PPARGC1A: variants seen among roughly 807,000 people sequenced by gnomAD.
PPARGC1A encodes the protein PPARG coactivator 1 alpha.
A neutral mutation model predicts 88.7 loss-of-function variants in PPARGC1A; 25 were observed. That is an observed-to-expected ratio of 0.28 (90% CI 0.21 to 0.39). The LOEUF (loss-of-function observed/expected upper bound fraction) is 0.39, where lower values mean the gene tolerates loss of function less well. Among genes scored for constraint, PPARGC1A ranks in the 10% least tolerant of loss-of-function variants. PPARGC1A has a pLI of 1.00. For synonymous variants in PPARGC1A, 363 were observed against 355.6 expected (o/e 1.02, Z -0.24); for missense variants, 880 against 968.7 (o/e 0.91, Z 1.22).
At chr4:23,868,927 A>G (rs35621841) in intron 2 of PPARGC1A, among the ~76,000 whole-genome samples, 27,357 of 152,204 alleles carry the variant, frequency 0.18, 2,972 homozygotes, top group Middle Eastern at 0.3. Context: ...ATAACTCCCA[A>G]CTGCACACCT....
the PPARGC1A span, among the ~76,000 whole-genome samples, chr4:24,325,574 G>A: frequency 6.6e-6 from 1 of 152,160 alleles, no homozygotes; most frequent in African/African-American, 2.4e-5. Flanking sequence ...GGACCCCACT[G>A]GAAATCGGAC....
At chr4:24,345,388 T>G in the PPARGC1A span, among the ~76,000 whole-genome samples, 1 of 152,208 alleles carries the variant, frequency 6.6e-6, no homozygotes, top group Non-Finnish European at 1.5e-5. Context: ...TACCCGTCCA[T>G]GACCATGGGA....
At chr4:23,805,338 A>G (rs1169748277) in intron 10 of PPARGC1A, among the ~76,000 whole-genome samples, 1 of 152,248 alleles carries the variant, frequency 6.6e-6, no homozygotes, top group Non-Finnish European at 1.5e-5. Flanking sequence ...TGTTTGCAGG[A>G]ATCTCACTCA....
the PPARGC1A span, among the ~76,000 whole-genome samples, chr4:24,116,375 A>G: frequency 6.6e-6 from 1 of 152,192 alleles, no homozygotes; most frequent in Non-Finnish European, 1.5e-5. Flanking sequence ...AGCTTAACAT[A>G]TACACGTGAA....
the PPARGC1A span, among the ~76,000 whole-genome samples, chr4:24,387,678 AG>A: frequency 1.3e-4 from 19 of 151,128 alleles, no homozygotes; most frequent in African/African-American, 4.6e-4. Context: ...TGGAGATTGT[AG>A]TGAGCTGAGA....
chr4:24,412,721 C>T, the PPARGC1A span, among the ~76,000 whole-genome samples: 1 of 152,186 alleles, frequency 6.6e-6, no homozygotes, highest in Admixed American at 6.5e-5. Flanking sequence ...ACCTCATGAT[C>T]CACCAGCCTT....
chr4:23,930,455 G>T, the PPARGC1A span, among the ~76,000 whole-genome samples: 1 of 152,074 alleles, frequency 6.6e-6, no homozygotes, highest in African/African-American at 2.4e-5. Flanking sequence ...ACTTCAACAC[G>T]GTTCTCTAAT....
At chr4:23,888,106 C>G (rs950068277) in intron 1 of PPARGC1A, among the ~76,000 whole-genome samples, 2 of 152,190 alleles carry the variant, frequency 1.3e-5, no homozygotes, top group Admixed American at 6.5e-5. Context: ...CCAACGCTAC[C>G]TGCTGCTCGT....
At chr4:24,436,107 T>C in the PPARGC1A span, among the ~76,000 whole-genome samples, 64 of 152,348 alleles carry the variant, frequency 4.2e-4, 1 homozygote, top group Admixed American at 1.9e-3. Context: ...ATATTGCATA[T>C]TCCTTAGATA....
the PPARGC1A span, among the ~76,000 whole-genome samples, chr4:23,942,892 AGC>A: frequency 2.6e-5 from 4 of 152,212 alleles, no homozygotes; most frequent in African/African-American, 4.8e-5. Context: ...AAATACTTCA[AGC>A]AATGTTCACC....
intron 1 of PPARGC1A, among the ~76,000 whole-genome samples, chr4:23,896,137 A>G (rs1718573627): frequency 6.6e-6 from 1 of 152,140 alleles, no homozygotes; most frequent in African/African-American, 2.4e-5. Flanking sequence ...CTGTAAAAAT[A>G]TATCCTCAGA....
intron 2 of PPARGC1A, 107 bp from the exon 3 acceptor site, chr4:23,831,858 A>C (rs1226355413): frequency 2.3e-6 from 2 of 873,460 alleles, no homozygotes; most frequent in Non-Finnish European, 3.6e-6. Context: ...GAAATCTAGA[A>C]TGCCCATTCC....
chr4:23,846,721 A>G (rs896493859), intron 2 of PPARGC1A, among the ~76,000 whole-genome samples: 4 of 152,170 alleles, frequency 2.6e-5, no homozygotes, highest in Admixed American at 6.5e-5. Flanking sequence ...AAATAATTAA[A>G]AATTCCTGCC....
Position 23,889,530 on chromosome 4 carries a change from A to G in PPARGC1A, c.54+374T>C, listed in dbSNP as rs564473230. ...TATTTTTATCTTCGTCTTATTATAAATAGAAATGGCATTTTTCCAACCAGG... is the reference window on the plus strand; with the variant it reads ...TATTTTTATCTTCGTCTTATTATAAGTAGAAATGGCATTTTTCCAACCAGG... On this transcript the variant is annotated intron_variant, in intron 1 of 12. Transcript: ENST00000264867. 2.6e-5 allele frequency among the ~76,000 whole-genome samples: 4 copies of G among 152,326 alleles called. No homozygotes were observed. The South Asian group carries it at 8.3e-4, about 32-fold the overall frequency.
At chr4:24,243,604 G>A in the PPARGC1A span, among the ~76,000 whole-genome samples, 1 of 152,306 alleles carries the variant, frequency 6.6e-6, no homozygotes, top group African/African-American at 2.4e-5. Context: ...AAAGAGTAGG[G>A]TTTTTGCCAA....
the PPARGC1A span, among the ~76,000 whole-genome samples, chr4:24,143,543 G>T: frequency 1.5e-4 from 23 of 152,214 alleles, no homozygotes; most frequent in Non-Finnish European, 2.6e-4. Flanking sequence ...AGTATACGAC[G>T]ATATGAATAT....
At chr4:23,894,017 A>G (rs1718218263), upstream of PPARGC1A, among the ~76,000 whole-genome samples, 1 of 152,134 alleles carries the variant, frequency 6.6e-6, no homozygotes, top group Non-Finnish European at 1.5e-5. Flanking sequence ...CAAGGTTTGG[A>G]GGGCAGCTGG....
the PPARGC1A span, among the ~76,000 whole-genome samples, chr4:24,400,068 G>A: frequency 6.6e-5 from 10 of 152,046 alleles, no homozygotes; most frequent in Non-Finnish European, 1.2e-4. Context: ...TTACAGGTGT[G>A]AGCCACCACA....
the PPARGC1A span, among the ~76,000 whole-genome samples, chr4:24,400,608 C>A: frequency 6.6e-6 from 1 of 152,214 alleles, no homozygotes; most frequent in Admixed American, 6.5e-5. Context: ...ACACTCCTCT[C>A]CCCTTCCCTG....
Sources: gnomAD v4.1 joint callset for allele counts (sites outside exome capture counted in the v4.1 genomes callset) on GRCh38, gnomAD v4.1.1 for gene constraint, MANE v1.5 for transcripts, NCBI Gene and HGNC (gene_info 2026-07-23, HGNC 2026-07-21) for gene names.